The following ITGA4 variants were observed in gnomAD, a reference collection of about 807,000 sequenced individuals.
The protein encoded by ITGA4 is integrin alpha-4.
A neutral mutation model predicts 133.6 loss-of-function variants in ITGA4; 63 were observed. The ratio of observed to expected loss-of-function variants is 0.47; its 90% confidence interval spans 0.38 to 0.58. The LOEUF is 0.58. Ranked by LOEUF, ITGA4 falls within the 20% of genes least tolerant of loss-of-function variation. The pLI, the probability that ITGA4 is intolerant of heterozygous loss-of-function variation, is 0.00. For missense variants in ITGA4, 1,076 were observed against 1,252.7 expected, an observed-to-expected ratio of 0.86 and a Z score of 2.13; for synonymous variants, 483 against 438.0, an observed-to-expected ratio of 1.10 and a Z score of -1.28.
chr2:181,493,816 T>A (rs900529937), intron 11 of ITGA4, among the ~76,000 whole-genome samples: 2 of 152,202 alleles, frequency 1.3e-5, no homozygotes, highest in Admixed American at 6.5e-5. Context: ...ACACATATGA[T>A]TCTCTGGGTT....
At position 181,457,621 on chromosome 2, in the gene ITGA4, C is replaced by T; in HGVS notation, c.-34C>T. On this transcript the variant is annotated 5_prime_UTR_variant, in exon 1 of 28. Coordinates refer to ENST00000397033, the MANE Select transcript of ITGA4 (RefSeq NM_000885.6). ...ATCCCGTGCAACTTTGGGGTAGTGG[C>T]CGTTTAGTGTTGAATGTTCCCCACC... is the stretch of plus-strand genomic sequence containing the variant. 6.3e-7 allele frequency: 1 copy of T among 1,588,506 alleles called. No individual in the cohort carries two copies. Among genetic ancestry groups the T allele is most frequent in the Admixed American group, 1.7e-5 (1 of 57,410 alleles).
intron 24 of ITGA4, among the ~76,000 whole-genome samples, chr2:181,531,215 A>T (rs1322982881): frequency 1.3e-5 from 2 of 152,114 alleles, no homozygotes; most frequent in Non-Finnish European, 2.9e-5. Flanking sequence ...GGACACCAAG[A>T]GGTTGTCTTC....
chr2:181,511,629 A>G (rs1416125618), intron 16 of ITGA4, 70 bp from the exon 17 acceptor site: 3 of 794,942 alleles, frequency 3.8e-6, no homozygotes, highest in Admixed American at 2.2e-5. Flanking sequence ...AGGTGTCGTC[A>G]TCTTTAAAAT....
intron 18 of ITGA4, among the ~76,000 whole-genome samples, chr2:181,522,845 C>T (rs1194842537): frequency 2.0e-5 from 3 of 152,138 alleles, no homozygotes; most frequent in South Asian, 2.1e-4. Flanking sequence ...CTAGTGTTTG[C>T]GCTACTTGCA....
At chr2:181,460,566 AGTGTGT>A (rs61016862) in intron 2 of ITGA4, among the ~76,000 whole-genome samples, 1,823 of 148,032 alleles carry the variant, frequency 0.012, 35 homozygotes, top group African/African-American at 0.037. Context: ...TCTGTAGAAG[AGTGTGT>A]GTGTGTGTGT....
intron 24 of ITGA4, 48 bp downstream of exon 24, chr2:181,530,697 G>A: frequency 6.4e-7 from 1 of 1,566,082 alleles, no homozygotes; most frequent in South Asian, 1.1e-5. Flanking sequence ...CAACAGAGAA[G>A]TGAGACACTT....
chr2:181,500,471 C>T (rs1172377367), intron 15 of ITGA4, among the ~76,000 whole-genome samples: 1 of 152,176 alleles, frequency 6.6e-6, no homozygotes, highest in Non-Finnish European at 1.5e-5. Context: ...AAGCATAAGA[C>T]AGCAACCTGA....
Position 181,538,177 on chromosome 2 carries a change from T to C in ITGA4, c.*2650T>C. The C allele has an allele frequency of 6.5e-7, 1 of 1,544,274 alleles. No homozygotes were observed. The highest frequency in any genetic ancestry group is 8.9e-7 in the Non-Finnish European group (1 of 1,118,174). ...GTTTGTACATTTCTTTTAGAAACAA[T>C]TACATGTTACTTTGGAATCATTTCT... On this transcript the variant is annotated 3_prime_UTR_variant, in exon 28 of 28. Transcript: ENST00000397033.
At chr2:181,524,704 C>G (rs943774677) in intron 20 of ITGA4, among the ~76,000 whole-genome samples, 4 of 152,038 alleles carry the variant, frequency 2.6e-5, no homozygotes, top group African/African-American at 9.7e-5. Flanking sequence ...ACAACTTGGT[C>G]ACCCTCTCAT....
intron 2 of ITGA4, 64 bp downstream of exon 2, chr2:181,458,381 G>T: frequency 6.4e-7 from 1 of 1,566,786 alleles, no homozygotes; most frequent in South Asian, 1.2e-5. Context: ...CCCACCATAG[G>T]GCAAGTCCTG....
intron 14 of ITGA4, among the ~76,000 whole-genome samples, chr2:181,496,936 G>A (rs1686169456): frequency 6.6e-6 from 1 of 152,138 alleles, no homozygotes; most frequent in Admixed American, 6.5e-5. Context: ...GTCTTAGTAT[G>A]CATTAGGTAC....
Position 181,535,628 on chromosome 2 carries a change from C to A in ITGA4, c.*101C>A. On this transcript the variant is annotated 3_prime_UTR_variant, in exon 28 of 28. Coordinates refer to ENST00000397033, the MANE Select transcript of ITGA4 (RefSeq NM_000885.6). The stretch of plus-strand genomic sequence containing the variant: ...GAAAAAATGAATTTTGTTTGGACTT[C>A]TTTTACTCATGATCTTGTGACATAT... The A allele has an allele frequency of 7.0e-7, 1 of 1,419,310 alleles. No individual in the cohort carries two copies. The highest frequency in any genetic ancestry group is 1.6e-5 in the South Asian group (1 of 64,010). 87.9% of individuals were successfully genotyped at this position (1,419,310 alleles called of 1,614,324 possible). A position where few individuals can be genotyped will look rare whatever the true frequency, so the allele number is the denominator to read the frequency against.
chr2:181,510,891 A>AG (rs1468434511), intron 16 of ITGA4, among the ~76,000 whole-genome samples: 1 of 150,714 alleles, frequency 6.6e-6, no homozygotes, highest in Non-Finnish European at 1.5e-5. Flanking sequence ...TCTTAGAACA[A>AG]CCTGCTTTAC....
chr2:181,480,405 T>C, intron 6 of ITGA4, 139 bp downstream of exon 6: 1 of 429,014 alleles, frequency 2.3e-6, no homozygotes, highest in Non-Finnish European at 4.1e-6. Context: ...TCAGAAACTG[T>C]CTCTTAAGGA....
chr2:181,472,716 T>C (rs914366653), intron 2 of ITGA4, among the ~76,000 whole-genome samples: 3 of 152,214 alleles, frequency 2.0e-5, no homozygotes, highest in African/African-American at 7.2e-5. Context: ...ATTTTGTTGG[T>C]TTGGCATTAG....
chr2:181,530,493 A>G (rs921079865), intron 23 of ITGA4, 31 bp from the exon 24 acceptor site: 3 of 1,590,428 alleles, frequency 1.9e-6, no homozygotes, highest in African/African-American at 2.7e-5. Context: ...GTGTTGAAAG[A>G]TAAGATTTCT....
chr2:181,500,918 C>T lies in ITGA4; in HGVS notation c.1695+2141C>T, dbSNP rs999856179. Among the ~76,000 whole-genome samples the T allele has an allele frequency of 1.1e-4, 16 of 152,046 alleles. No individual in the cohort carries two copies. The East Asian group carries it at 2.7e-3, about 26-fold the overall frequency. ...ACATTTTATAGTATTTTGGAAGATA[C>T]AGGTGATAAAGGAAAAAGGAGGGCA... On this transcript the variant is annotated intron_variant, in intron 15 of 27. Transcript: ENST00000397033.
At chr2:181,496,863 G>C (rs1249678535) in intron 14 of ITGA4, among the ~76,000 whole-genome samples, 2 of 152,118 alleles carry the variant, frequency 1.3e-5, no homozygotes, top group Non-Finnish European at 2.9e-5. Context: ...GCAGGCTGCT[G>C]TTATCTAAAC....
At chr2:181,513,988 G>T (rs1686557170) in intron 17 of ITGA4, among the ~76,000 whole-genome samples, 1 of 152,100 alleles carries the variant, frequency 6.6e-6, no homozygotes, top group South Asian at 2.1e-4. Flanking sequence ...GCCTAACAGT[G>T]CCTGGAGTGC....
Sources: gnomAD v4.1 joint callset for allele counts (sites outside exome capture counted in the v4.1 genomes callset) on GRCh38, gnomAD v4.1.1 for gene constraint, MANE v1.5 for transcripts, NCBI Gene and HGNC (gene_info 2026-07-23, HGNC 2026-07-21) for gene names.